Variants in ADAMTSL1 observed in about 807,000 individuals in gnomAD.
ADAMTSL1 encodes ADAMTS-like protein 1.
Under a neutral mutation model 201.8 loss-of-function variants are expected in ADAMTSL1, and 126 were observed. The ratio of observed to expected loss-of-function variants is 0.62; its 90% CI spans 0.54 to 0.72. The LOEUF (loss-of-function observed/expected upper bound fraction) is 0.72, where lower values mean the gene tolerates loss of function less well. Ranked by LOEUF, ADAMTSL1 falls within the 30% of genes least tolerant of loss-of-function variation. The probability of loss-of-function intolerance (pLI) is 0.00; values close to 1 mark genes in which losing one functional copy is unlikely to be tolerated. For synonymous variants in ADAMTSL1, 1,121 were observed against 903.4 expected (o/e 1.24, Z -4.32); for missense variants, 2,679 against 2,277.8 (o/e 1.18, Z -3.59).
intron 3 of ADAMTSL1, among the ~76,000 whole-genome samples, chr9:18,571,116 T>A (rs893642018): frequency 2.0e-5 from 3 of 152,332 alleles, no homozygotes; most frequent in African/African-American, 7.2e-5. Context: ...ACACAATTTA[T>A]TGAACAGAGG....
chr9:18,492,159 T>C (rs555937116), intron 1 of ADAMTSL1, among the ~76,000 whole-genome samples: 1 of 152,268 alleles, frequency 6.6e-6, no homozygotes, highest in African/African-American at 2.4e-5. Context: ...AGTTTCTGTT[T>C]TGATACAAAA....
intron 1 of ADAMTSL1, among the ~76,000 whole-genome samples, chr9:18,108,196 ATTTTTTTTT>A (rs5896770): frequency 8.0e-6 from 1 of 125,570 alleles, no homozygotes; most frequent in Admixed American, 8.5e-5. Flanking sequence ...AGAGTGTGGA[ATTTTTTTTT>A]TTTTTTTTTT....
intron 1 of ADAMTSL1, among the ~76,000 whole-genome samples, chr9:18,094,604 A>G (rs189188582): frequency 6.6e-5 from 10 of 151,792 alleles, no homozygotes; most frequent in Non-Finnish European, 1.3e-4. Flanking sequence ...TCTAAGTATA[A>G]TCAGTGGTTT....
At chr9:18,862,154 C>G (rs995563075) in intron 23 of ADAMTSL1, among the ~76,000 whole-genome samples, 1 of 152,154 alleles carries the variant, frequency 6.6e-6, no homozygotes, top group African/African-American at 2.4e-5. Flanking sequence ...TTCTTCATAT[C>G]CACTGCTATG....
At chr9:18,044,633 T>C (rs1279147308) in intron 1 of ADAMTSL1, among the ~76,000 whole-genome samples, 1 of 152,210 alleles carries the variant, frequency 6.6e-6, no homozygotes, top group Non-Finnish European at 1.5e-5. Flanking sequence ...ACAGTGGATA[T>C]AGATACATTT....
At chr9:17,908,493 G>C (rs940828306) in intron 1 of ADAMTSL1, among the ~76,000 whole-genome samples, 1 of 151,198 alleles carries the variant, frequency 6.6e-6, no homozygotes, top group Non-Finnish European at 1.5e-5. Context: ...TTTCACTCTC[G>C]TTGCCCAGGC....
intron 7 of ADAMTSL1, among the ~76,000 whole-genome samples, chr9:18,653,497 T>C (rs796764692): frequency 6.6e-5 from 10 of 152,214 alleles, no homozygotes; most frequent in African/African-American, 2.4e-4. Flanking sequence ...CTAGGTAGGT[T>C]GGGCACAGTG....
At chr9:18,037,975 A>G (rs534599391) in intron 1 of ADAMTSL1, among the ~76,000 whole-genome samples, 2 of 152,322 alleles carry the variant, frequency 1.3e-5, no homozygotes, top group East Asian at 1.9e-4. Flanking sequence ...CCAAGAATCT[A>G]AAGTATTTTA....
chr9:18,799,663 T>C (rs1018709322), intron 20 of ADAMTSL1, among the ~76,000 whole-genome samples: 3 of 152,138 alleles, frequency 2.0e-5, no homozygotes, highest in Admixed American at 1.3e-4. Context: ...GTATCTTTCA[T>C]TGAAAGGAGA....
At chr9:17,996,166 T>G (rs200897303) in intron 1 of ADAMTSL1, among the ~76,000 whole-genome samples, 2 of 57,182 alleles carry the variant, frequency 3.5e-5, no homozygotes, top group Admixed American at 2.1e-4. Flanking sequence ...GTGTTTTTAA[T>G]TTTTTTTTTT....
intron 3 of ADAMTSL1, among the ~76,000 whole-genome samples, chr9:18,571,780 T>A (rs1393450226): frequency 6.6e-6 from 1 of 152,162 alleles, no homozygotes; most frequent in East Asian, 1.9e-4. Flanking sequence ...ATTGGTAGAA[T>A]TTGTAAATTA....
chr9:18,686,169 C>G (rs1302134949), intron 13 of ADAMTSL1, among the ~76,000 whole-genome samples: 1 of 152,198 alleles, frequency 6.6e-6, no homozygotes, highest in East Asian at 1.9e-4. Flanking sequence ...AATCCGCCTG[C>G]CTCAGCCTCC....
chr9:18,494,374 C>A (rs1822421175), intron 1 of ADAMTSL1, among the ~76,000 whole-genome samples: 1 of 150,200 alleles, frequency 6.7e-6, no homozygotes. Context: ...CCAGGCCAAG[C>A]AGTGATTGAT....
intron 15 of ADAMTSL1, among the ~76,000 whole-genome samples, chr9:18,722,777 A>G (rs1032673111): frequency 2.0e-5 from 3 of 152,232 alleles, no homozygotes; most frequent in Non-Finnish European, 4.4e-5. Flanking sequence ...TCTCCAAGGC[A>G]ACCATAAAAT....
At chr9:18,474,563 T>C (rs564814141) in intron 1 of ADAMTSL1, among the ~76,000 whole-genome samples, 7 of 152,188 alleles carry the variant, frequency 4.6e-5, no homozygotes, top group Non-Finnish European at 8.8e-5. Context: ...TGGGACATAC[T>C]GCATGGAGTT....
chr9:18,264,142 T>G (rs186203518), intron 2 of ADAMTSL1, among the ~76,000 whole-genome samples: 4 of 152,342 alleles, frequency 2.6e-5, no homozygotes, highest in African/African-American at 9.6e-5. Flanking sequence ...TTTTTGGTCA[T>G]TGTCTATTCC....
intron 1 of ADAMTSL1, among the ~76,000 whole-genome samples, chr9:18,017,893 G>A (rs373555170): frequency 6.6e-6 from 1 of 151,948 alleles, no homozygotes; most frequent in Non-Finnish European, 1.5e-5. Context: ...AAATAGCATT[G>A]TACCTGTCAG....
intron 23 of ADAMTSL1, among the ~76,000 whole-genome samples, chr9:18,873,755 C>T (rs1250915879): frequency 6.6e-6 from 1 of 152,060 alleles, no homozygotes; most frequent in East Asian, 1.9e-4. Context: ...GTTCTTTTTG[C>T]TTAGTCTTGC....
intron 7 of ADAMTSL1, among the ~76,000 whole-genome samples, chr9:18,651,688 T>G (rs1233910590): frequency 6.6e-6 from 1 of 152,212 alleles, no homozygotes; most frequent in Admixed American, 6.6e-5. Flanking sequence ...AAATTGCATC[T>G]TGGAGAATTC....
Sources: gnomAD v4.1 joint callset for allele counts (sites outside exome capture counted in the v4.1 genomes callset) on GRCh38, gnomAD v4.1.1 for gene constraint, MANE v1.5 for transcripts, NCBI Gene and HGNC (gene_info 2026-07-23, HGNC 2026-07-21) for gene names.